Variants in ARB2A observed in about 807,000 individuals in gnomAD.
The protein encoded by ARB2A is ARB2 cotranscriptional regulator A, also known as cotranscriptional regulator ARB2A.
At chr5:94,034,563 T>C in the ARB2A span, among the ~76,000 whole-genome samples, 1 of 152,240 alleles carries the variant, frequency 6.6e-6, no homozygotes. Flanking sequence ...TTTAAAGAGA[T>C]TATGAAACCA....
At chr5:93,902,594 T>C in the ARB2A span, among the ~76,000 whole-genome samples, 2 of 152,054 alleles carry the variant, frequency 1.3e-5, no homozygotes, top group African/African-American at 4.8e-5. Context: ...GAGTTTGAAA[T>C]CTAAATATAT....
chr5:94,076,940 G>A, the ARB2A span, among the ~76,000 whole-genome samples: 1 of 152,038 alleles, frequency 6.6e-6, no homozygotes, highest in African/African-American at 2.4e-5. Flanking sequence ...TATGTATTCA[G>A]TGCTAGGGTC....
the ARB2A span, among the ~76,000 whole-genome samples, chr5:93,853,735 G>T: frequency 1.3e-5 from 2 of 152,090 alleles, no homozygotes; most frequent in Non-Finnish European, 2.9e-5. Context: ...TTTGTCTTTG[G>T]CTCTGTTTAT....
chr5:93,717,163 A>AT, the ARB2A span, among the ~76,000 whole-genome samples: 3 of 152,210 alleles, frequency 2.0e-5, no homozygotes, highest in African/African-American at 7.2e-5. Flanking sequence ...GCTTTAAAGT[A>AT]TAACACAAAG....
At chr5:93,631,784 G>T in the ARB2A span, among the ~76,000 whole-genome samples, 2 of 151,592 alleles carry the variant, frequency 1.3e-5, no homozygotes, top group East Asian at 3.9e-4. Flanking sequence ...AAGACAGAGA[G>T]GGGGGAGGGG....
At chr5:94,046,930 T>G in the ARB2A span, among the ~76,000 whole-genome samples, 1 of 152,168 alleles carries the variant, frequency 6.6e-6, no homozygotes, top group South Asian at 2.1e-4. Flanking sequence ...TTCTAAGATG[T>G]AGGAAATAAA....
the ARB2A span, among the ~76,000 whole-genome samples, chr5:93,848,254 A>G: frequency 6.6e-6 from 1 of 152,004 alleles, no homozygotes; most frequent in Non-Finnish European, 1.5e-5. Flanking sequence ...GTGGTAGTGC[A>G]TGCCTGTAGT....
At chr5:93,932,288 C>T in the ARB2A span, among the ~76,000 whole-genome samples, 1 of 152,108 alleles carries the variant, frequency 6.6e-6, no homozygotes, top group African/African-American at 2.4e-5. Flanking sequence ...TCCCTTTAAA[C>T]ATCATGTGTG....
the ARB2A span, among the ~76,000 whole-genome samples, chr5:93,696,091 G>A: frequency 1.3e-5 from 2 of 152,010 alleles, no homozygotes; most frequent in East Asian, 3.9e-4. Context: ...TGTAGATGAC[G>A]GGTTGATGGG....
chr5:93,647,278 G>A, the ARB2A span, among the ~76,000 whole-genome samples: 1 of 151,736 alleles, frequency 6.6e-6, no homozygotes, highest in Non-Finnish European at 1.5e-5. Context: ...CAGAGCTAGA[G>A]TGCAATGGTG....
the ARB2A span, among the ~76,000 whole-genome samples, chr5:93,650,832 A>C: frequency 6.8e-3 from 1,029 of 151,976 alleles, 9 homozygotes; most frequent in African/African-American, 0.023. Flanking sequence ...TACTAAAAAA[A>C]AAAAAAAAAA....
At chr5:93,793,520 A>T in the ARB2A span, among the ~76,000 whole-genome samples, 1 of 152,074 alleles carries the variant, frequency 6.6e-6, no homozygotes, top group South Asian at 2.1e-4. Context: ...GGGCAAATCC[A>T]TATTTGTTAA....
chr5:93,872,508 C>T, the ARB2A span, among the ~76,000 whole-genome samples: 3 of 152,290 alleles, frequency 2.0e-5, no homozygotes, highest in Admixed American at 6.5e-5. Context: ...TGCAGAGCTT[C>T]GGTCTTTATC....
the ARB2A span, among the ~76,000 whole-genome samples, chr5:93,970,499 A>T: frequency 1.3e-5 from 2 of 152,198 alleles, no homozygotes; most frequent in African/African-American, 4.8e-5. Flanking sequence ...TAACTTTTAA[A>T]TGCTTAAAAT....
chr5:93,670,052 A>G, the ARB2A span, among the ~76,000 whole-genome samples: 1 of 152,234 alleles, frequency 6.6e-6, no homozygotes, highest in South Asian at 2.1e-4. Flanking sequence ...CAGATGTTCA[A>G]GCCAACAATC....
At chr5:93,834,143 T>C in the ARB2A span, among the ~76,000 whole-genome samples, 3 of 152,192 alleles carry the variant, frequency 2.0e-5, no homozygotes, top group Non-Finnish European at 4.4e-5. Context: ...AGAAAGGTTG[T>C]TTCAAATAGG....
chr5:93,936,442 T>C, the ARB2A span, among the ~76,000 whole-genome samples: 19 of 152,136 alleles, frequency 1.2e-4, no homozygotes, highest in Admixed American at 1.2e-3. Flanking sequence ...CAATGCTCAG[T>C]AAGGGATAAG....
the ARB2A span, chr5:93,863,682 C>T: frequency 6.6e-6 from 1 of 151,944 alleles, no homozygotes; most frequent in Non-Finnish European, 1.5e-5. Flanking sequence ...ACTAATCTTT[C>T]AAAAATGTTG....
chr5:93,920,538 A>G, the ARB2A span, among the ~76,000 whole-genome samples: 1 of 152,138 alleles, frequency 6.6e-6, no homozygotes, highest in African/African-American at 2.4e-5. Flanking sequence ...TAGAAACATC[A>G]AAAAAATTAA....
Sources: gnomAD v4.1 joint callset for allele counts (sites outside exome capture counted in the v4.1 genomes callset) on GRCh38, gnomAD v4.1.1 for gene constraint, MANE v1.5 for transcripts, NCBI Gene and HGNC (gene_info 2026-07-23, HGNC 2026-07-21) for gene names.